The following MCM6 variants were observed in gnomAD, a reference collection of about 807,000 sequenced individuals.
MCM6 encodes the protein minichromosome maintenance complex component 6, also known as DNA replication licensing factor MCM6.
Under a neutral mutation model 94.3 loss-of-function variants are expected in MCM6, and 46 were observed. The ratio of observed to expected loss-of-function variants is 0.49; its 90% CI spans 0.39 to 0.62. MCM6 has a LOEUF of 0.62. Among genes scored for constraint, MCM6 ranks in the 20% least tolerant of loss-of-function variants. The probability of loss-of-function intolerance (pLI) is 0.00; values close to 1 mark genes in which losing one functional copy is unlikely to be tolerated. For missense variants in MCM6, 865 were observed against 1,017.9 expected, an observed-to-expected ratio of 0.85 and a Z score of 2.04; for synonymous variants, 335 against 351.9, an observed-to-expected ratio of 0.95 and a Z score of 0.54.
rs907541320 is a variant in MCM6 at position 135,839,937 on chromosome 2, G to A, written c.*898C>T. 6.6e-6 allele frequency: 1 copy of A among 152,124 alleles called. No homozygotes were observed. The highest frequency in any genetic ancestry group is 1.5e-5 in the Non-Finnish European group (1 of 68,034). 9.4% of individuals were successfully genotyped at this position (152,124 alleles called of 1,614,324 possible). ...GCTTTTGTGACCTTTAACATACTTT[G>A]TGATTTAATGAATGCCATCTGTTGT... On this transcript the variant is annotated 3_prime_UTR_variant, in exon 17 of 17. Transcript: ENST00000264156.
intron 1 of MCM6, among the ~76,000 whole-genome samples, chr2:135,874,755 G>GA (rs200276356): frequency 0.047 from 7,125 of 150,962 alleles, 224 homozygotes; most frequent in Middle Eastern, 0.095. Flanking sequence ...TTCCAAATCT[G>GA]AAAAAAAAAT....
rs1231482568 is a variant in MCM6 at position 135,868,864 on chromosome 2, T to C, written c.366-4A>G. ...GGATGAGGTGAGCTCTCGAATCCTG[T>C]TTAAAGACAAATGTCCCATTAGTAA... On this transcript the variant is annotated splice_region_variant and splice_polypyrimidine_tract_variant and intron_variant, in intron 3 of 16. Coordinates refer to ENST00000264156, the MANE Select transcript of MCM6 (RefSeq NM_005915.6). 1 of 1,613,132 alleles carries C rather than the reference T, an allele frequency of 6.2e-7. No individual in the cohort carries two copies. The highest frequency in any genetic ancestry group is 2.2e-5 in the East Asian group (1 of 44,854).
At position 135,840,899 on chromosome 2, in the gene MCM6, C is replaced by T; in HGVS notation, c.2402G>A (p.Gly801Glu). Residue 801 changes from glycine to glutamate, a missense_variant, in exon 17 of 17, where the codon GGA becomes GAA. Physicochemically the swap from Gly to Glu is moderately conservative, Grantham distance 98. Transcript: ENST00000264156. ...GGGATCTTCTTCATAGCTCTCACTTCCCTCTGTGGAGCCTTTCAATCCAGC... is the reference window on the plus strand; with the variant it reads ...GGGATCTTCTTCATAGCTCTCACTTTCCTCTGTGGAGCCTTTCAATCCAGC... ...TQAGLKGSTE[G>E]SESYEEDPYL... 1.2e-6 allele frequency: 2 copies of T among 1,614,180 alleles called. No individual in the cohort carries two copies. Among genetic ancestry groups the T allele is most frequent in the Non-Finnish European group, 1.7e-6 (2 of 1,180,010 alleles).
At position 135,856,813 on chromosome 2, in the gene MCM6, T is replaced by C; in HGVS notation, c.1541A>G (p.Lys514Arg). ...NPISGHYDRS[K>R]SLKQNINLSA... The stretch of plus-strand genomic sequence containing the variant: ...CAAATTTATATTCTGTTTCAATGAT[T>C]TTGATCTGTCATAGTGTCCACTGAT... Residue 514 changes from lysine to arginine, a missense_variant, in exon 11 of 17, where the codon AAA becomes AGA. Physicochemically the swap from Lys to Arg is conservative, Grantham distance 26 (BLOSUM62 2). Transcript: ENST00000264156. 2 of 1,614,194 alleles carry C rather than the reference T, an allele frequency of 1.2e-6. No homozygotes were observed. The highest frequency in any genetic ancestry group is 2.7e-5 in the African/African-American group (2 of 75,044).
intron 8 of MCM6, among the ~76,000 whole-genome samples, chr2:135,861,199 T>C (rs1424668249): frequency 6.6e-6 from 1 of 152,184 alleles, no homozygotes; most frequent in Non-Finnish European, 1.5e-5. Context: ...GGTACTATGC[T>C]ACAAATTTCC....
intron 16 of MCM6, among the ~76,000 whole-genome samples, chr2:135,842,174 C>A (rs1481205543): frequency 6.6e-6 from 1 of 152,026 alleles, no homozygotes; most frequent in African/African-American, 2.4e-5. Flanking sequence ...ACAGTGTGTT[C>A]CAAAGTCCTG....
intron 14 of MCM6, among the ~76,000 whole-genome samples, chr2:135,846,912 G>A (rs912316521): frequency 2.6e-5 from 4 of 151,962 alleles, no homozygotes; most frequent in African/African-American, 9.7e-5. Context: ...CCTGAGGCAG[G>A]AGAATTGCTT....
At position 135,844,516 on chromosome 2, in the gene MCM6, T is replaced by C. The variant is rs757177274; in HGVS notation, c.2349+29A>G. 5 of 1,436,222 alleles carry C rather than the reference T, an allele frequency of 3.5e-6. No individual in the cohort carries two copies. In the African/African-American group the frequency reaches 5.8e-5, roughly 17 times the overall value. 89.0% of individuals were successfully genotyped at this position (1,436,222 alleles called of 1,614,324 possible). A position where few individuals can be genotyped will look rare whatever the true frequency, so the allele number is the denominator to read the frequency against. The stretch of plus-strand genomic sequence containing the variant: ...GGGCATGAACTCCCTCCCTCCCTGA[T>C]ACCAGAGCACGCGCACTTCTGCACC... On this transcript the variant is annotated intron_variant, in intron 16 of 16. Coordinates refer to ENST00000264156, the MANE Select transcript of MCM6 (RefSeq NM_005915.6).
chr2:135,860,607 C>T (rs918434244), intron 8 of MCM6, among the ~76,000 whole-genome samples: 12 of 152,122 alleles, frequency 7.9e-5, no homozygotes, highest in African/African-American at 1.9e-4. Context: ...AATAAAAGAA[C>T]TACATGACCA....
intron 11 of MCM6, among the ~76,000 whole-genome samples, chr2:135,855,411 A>G (rs1017661133): frequency 6.6e-6 from 1 of 152,110 alleles, no homozygotes; most frequent in African/African-American, 2.4e-5. Flanking sequence ...CAGGCCTACA[A>G]TCTTAGCTAT....
chr2:135,847,408 A>T (rs1679690492), intron 14 of MCM6, among the ~76,000 whole-genome samples: 1 of 152,180 alleles, frequency 6.6e-6, no homozygotes, highest in Non-Finnish European at 1.5e-5. Context: ...ATGAGACCCC[A>T]TCTCAAAATA....
intron 16 of MCM6, among the ~76,000 whole-genome samples, chr2:135,842,368 C>A (rs1399905236): frequency 6.6e-6 from 1 of 152,094 alleles, no homozygotes; most frequent in Non-Finnish European, 1.5e-5. Flanking sequence ...AAGACACAAC[C>A]CCAATACATG....
chr2:135,842,036 C>T (rs1363054554), intron 16 of MCM6, among the ~76,000 whole-genome samples: 1 of 151,992 alleles, frequency 6.6e-6, no homozygotes, highest in Non-Finnish European at 1.5e-5. Flanking sequence ...ACCCAGAAGG[C>T]GGAAGTTGCG....
chr2:135,866,782 C>A, intron 4 of MCM6, 54 bp from the exon 5 acceptor site: 1 of 1,421,146 alleles, frequency 7.0e-7, no homozygotes, highest in South Asian at 1.3e-5. Flanking sequence ...CTTTCAGATG[C>A]CATATAATCT....
rs183542100 is a variant in MCM6, at chr2:135,867,730, T to A, written c.615+881A>T. On this transcript the variant is annotated intron_variant, in intron 4 of 16. Transcript: ENST00000264156. ...ATCACGGACTTATTCAGTTTGCTTTTAAAAAAAAACACACAGGCTGGGTGC... is the reference window on the plus strand; with the variant it reads ...ATCACGGACTTATTCAGTTTGCTTTAAAAAAAAAACACACAGGCTGGGTGC... Among the ~76,000 whole-genome samples the A allele has an allele frequency of 1.8e-3, 267 of 151,272 alleles. 1 individual carries two copies. The highest frequency in any genetic ancestry group is 5.7e-3 in the African/African-American group (235 of 41,222).
In MCM6 at chr2:135,862,713, G is replaced by A. The variant is rs1314860120; in HGVS notation, c.1114C>T (p.Leu372Phe). 6.2e-7 allele frequency: 1 copy of A among 1,613,984 alleles called. No individual in the cohort carries two copies. The highest frequency in any genetic ancestry group is 1.3e-5 in the African/African-American group (1 of 74,902). Residue 372 changes from leucine to phenylalanine, a missense_variant, in exon 8 of 17, where the codon CTC (leucine) becomes TTC (phenylalanine). By Grantham distance (22) the Leu-to-Phe change is conservative. Around this residue, in one of 3 missense-constraint regions of MCM6, gnomAD observed 153 missense variants for 241.5 expected, o/e 0.63. Coordinates refer to ENST00000264156, the MANE Select transcript of MCM6 (RefSeq NM_005915.6). ...DEVKRGVLLMLFGGVPKTTGE... is the reference protein window; with the variant it reads ...DEVKRGVLLMFFGGVPKTTGE... The stretch of plus-strand genomic sequence containing the variant: ...GTTGTCTTTGGAACGCCACCAAAGA[G>A]CATCAGCAGGACACCCCGTTTTACT...
chr2:135,870,325 G>T lies in MCM6; in HGVS notation c.291C>A (p.Phe97Leu), dbSNP rs753567421. 6.2e-7 allele frequency: 1 copy of T among 1,613,668 alleles called. No individual in the cohort carries two copies. The highest frequency in any genetic ancestry group is 1.3e-5 in the African/African-American group (1 of 74,986). The change falls in exon 3 of 17, where the codon TTC (phenylalanine) becomes TTA (leucine). Residue 97 changes from phenylalanine to leucine, a missense_variant. Transcript: ENST00000264156. Reference protein sequence around the residue: ...YPYLCRALKTFVKDRKEIPLA... With the variant: ...YPYLCRALKTLVKDRKEIPLA... Reference sequence around the variant, plus strand: ...GAGGGATCTCTTTACGGTCTTTGACGAATGTTTTCAAGGCCCGACACAGGT... The same window carrying T: ...GAGGGATCTCTTTACGGTCTTTGACTAATGTTTTCAAGGCCCGACACAGGT...
intron 16 of MCM6, 114 bp downstream of exon 16, chr2:135,844,431 T>G: frequency 1.2e-6 from 1 of 866,510 alleles, no homozygotes; most frequent in Non-Finnish European, 1.6e-6. Flanking sequence ...CTGACTACAC[T>G]CCAATGATTC....
At chr2:135,869,941 T>A (rs1428761248) in intron 3 of MCM6, among the ~76,000 whole-genome samples, 1 of 152,232 alleles carries the variant, frequency 6.6e-6, no homozygotes, top group Non-Finnish European at 1.5e-5. Context: ...TGCAAACCAC[T>A]ATTTTTTCCT....
Sources: gnomAD v4.1 joint callset for allele counts (sites outside exome capture counted in the v4.1 genomes callset) on GRCh38, gnomAD v4.1.1 for gene constraint, gnomAD v4.1.1 regional missense constraint, MANE v1.5 for transcripts, NCBI Gene and HGNC (gene_info 2026-07-23, HGNC 2026-07-21) for gene names.